Variants in FLT1 observed in about 807,000 individuals in gnomAD.
FLT1 encodes the protein fms related receptor tyrosine kinase 1, also known as vascular endothelial growth factor receptor 1.
A neutral mutation model predicts 156.3 loss-of-function variants in FLT1; 49 were observed. The ratio of observed to expected loss-of-function variants is 0.31; its 90% CI spans 0.25 to 0.40. The LOEUF is 0.40. Ranked by LOEUF, FLT1 falls within the 10% of genes least tolerant of loss-of-function variation. The pLI is 1.00. For synonymous variants in FLT1, 594 were observed against 583.8 expected (o/e 1.02, Z -0.25); for missense variants, 1,322 against 1,637.2 (o/e 0.81, Z 3.32).
intron 29 of FLT1, among the ~76,000 whole-genome samples, chr13:28,303,891 C>T (rs904283723): frequency 2.0e-5 from 3 of 152,132 alleles, no homozygotes; most frequent in Admixed American, 6.5e-5. Context: ...CTCTGCCTGT[C>T]GTGCCTGTGT....
At chr13:28,476,299 A>T (rs1880542164) in intron 1 of FLT1, among the ~76,000 whole-genome samples, 1 of 152,196 alleles carries the variant, frequency 6.6e-6, no homozygotes, top group African/African-American at 2.4e-5. Flanking sequence ...AGCTCTTTCT[A>T]GGCGGGGATT....
At chr13:28,397,144 G>T in intron 11 of FLT1, 76 bp from the exon 12 acceptor site, 1 of 840,676 alleles carries the variant, frequency 1.2e-6, no homozygotes, top group Non-Finnish European at 2.0e-6. Flanking sequence ...TTCTGAGGTT[G>T]AAATGATTCA....
Position 28,495,128 on chromosome 13 carries a change from T to A in FLT1, c.-285A>T, listed in dbSNP as rs988599398. The A allele has an allele frequency of 1.4e-5, 6 of 435,342 alleles. No homozygotes were observed. Among genetic ancestry groups the A allele is most frequent in the Non-Finnish European group, 2.4e-5 (6 of 248,826 alleles). The allele number at this position is 435,342 out of a possible 1,614,324, so 27.0% of individuals were successfully genotyped here. A position where few individuals can be genotyped will look rare whatever the true frequency, so the allele number is the denominator to read the frequency against. ...GCTCCGAGCCTCCCGCGGACCTCGA[T>A]GAAGAGCAGCCGAGGGCGGGGGCGA... On this transcript the variant is annotated 5_prime_UTR_variant, in exon 1 of 30. Coordinates refer to ENST00000282397, the MANE Select transcript of FLT1 (RefSeq NM_002019.4). The surrounding 1 kb of genome is among the most constrained non-coding windows in gnomAD (Gnocchi z 4.1).
chr13:28,468,195 A>T (rs756809463), intron 1 of FLT1, among the ~76,000 whole-genome samples: 30 of 152,236 alleles, frequency 2.0e-4, no homozygotes, highest in Non-Finnish European at 3.4e-4. Context: ...AACTAATTAT[A>T]GAATCAAAAT....
rs756967111 is a variant in FLT1, at chr13:28,438,297, A to G, written c.437T>C (p.Ile146Thr). Residue 146 changes from isoleucine (I) to threonine (T), a missense_variant, in exon 4 of 30, where the codon ATA becomes ACA. Ile to Thr is a moderately conservative substitution (Grantham distance 89). Transcript: ENST00000282397. ...VEMYSEIPEI[I>T]HMTEGRELVI... The stretch of plus-strand genomic sequence containing the variant: ...GAGCTCCCTTCCTTCAGTCATGTGT[A>G]TAATTTCGGGGATTTCACTGTACAT... The G allele has an allele frequency of 8.7e-6, 14 of 1,612,500 alleles. No individual in the cohort carries two copies. The highest frequency in any genetic ancestry group is 1.6e-4 in the Middle Eastern group (1 of 6,076).
intron 17 of FLT1, among the ~76,000 whole-genome samples, chr13:28,338,796 T>G (rs547701202): frequency 6.6e-6 from 1 of 152,270 alleles, no homozygotes; most frequent in Non-Finnish European, 1.5e-5. Context: ...TATGTAAGCG[T>G]GCGTGTACTT....
chr13:28,311,883 T>TA, intron 26 of FLT1, 110 bp downstream of exon 26: 1 of 1,093,626 alleles, frequency 9.1e-7, no homozygotes, highest in Non-Finnish European at 1.4e-6. Flanking sequence ...ACCCTTTTTT[T>TA]AAACTTCTGA....
chr13:28,368,676 T>C, intron 14 of FLT1: 1 of 829,668 alleles, frequency 1.2e-6, no homozygotes, highest in Non-Finnish European at 2.0e-6. Flanking sequence ...AGGTACACAG[T>C]AAATAATCAT....
chr13:28,405,753 C>G, intron 11 of FLT1, 27 bp downstream of exon 11: 1 of 1,156,958 alleles, frequency 8.6e-7, no homozygotes, highest in South Asian at 1.2e-5. Flanking sequence ...GAATAAATAT[C>G]CCAGTGCGCA....
At chr13:28,387,718 C>G (rs1475623460) in intron 13 of FLT1, 1 of 1,055,526 alleles carries the variant, frequency 9.5e-7, no homozygotes, top group Non-Finnish European at 1.1e-6. Context: ...TTTTTTCTCC[C>G]CCCTCCGTTA....
At chr13:28,375,627 C>A (rs1442884918) in intron 14 of FLT1, among the ~76,000 whole-genome samples, 1 of 152,224 alleles carries the variant, frequency 6.6e-6, no homozygotes, top group African/African-American at 2.4e-5. Context: ...GAGCTACTTG[C>A]ATATCAGCAG....
Position 28,329,632 on chromosome 13 carries a change from G to T in FLT1, c.2690C>A (p.Ala897Asp). 1 of 1,613,534 alleles carries T rather than the reference G, an allele frequency of 6.2e-7. No individual in the cohort carries two copies. Among genetic ancestry groups the T allele is most frequent in the Non-Finnish European group, 8.5e-7 (1 of 1,179,446 alleles). Residue 897 changes from alanine to aspartate, a missense_variant, in exon 19 of 30, where the codon GCC becomes GAC. Transcript: ENST00000282397. ...HHLNVVNLLG[A>D]CTKQGGPLMV... ...TCCATTACCTCCTTGCTTGGTGCAG[G>T]CTCCCAGCAGGTTAACCACGTTCAG...
chr13:28,365,934 C>T (rs556124086), intron 14 of FLT1, among the ~76,000 whole-genome samples: 3 of 152,182 alleles, frequency 2.0e-5, no homozygotes, highest in South Asian at 2.1e-4. Flanking sequence ...GAGCCAGGCA[C>T]GTAATATAAA....
At chr13:28,410,752 AC>A (rs1237474888) in intron 10 of FLT1, among the ~76,000 whole-genome samples, 11 of 152,200 alleles carry the variant, frequency 7.2e-5, no homozygotes, top group African/African-American at 2.4e-4. Context: ...TCTCACAGTC[AC>A]CCTATGAAGC....
chr13:28,382,799 T>C (rs1229108340), intron 14 of FLT1, among the ~76,000 whole-genome samples: 3 of 152,194 alleles, frequency 2.0e-5, no homozygotes, highest in Admixed American at 1.3e-4. Flanking sequence ...TTGATGTCAG[T>C]ATAAGAGGAG....
intron 14 of FLT1, among the ~76,000 whole-genome samples, chr13:28,369,872 C>G (rs1443362952): frequency 1.3e-5 from 2 of 152,050 alleles, no homozygotes; most frequent in Middle Eastern, 6.8e-3. Context: ...AACAGGAACA[C>G]TTAGAAAAGA....
At chr13:28,388,465 TA>T in intron 13 of FLT1, 11 of 1,009,974 alleles carry the variant, frequency 1.1e-5, no homozygotes, top group East Asian at 5.8e-5. Context: ...TTTTTTTTTT[TA>T]AATAGTTTAT....
At chr13:28,327,756 C>CAAAAAAAAAAAAAAAAAAAAA (rs56031277) in intron 19 of FLT1, among the ~76,000 whole-genome samples, 1 of 122,794 alleles carries the variant, frequency 8.1e-6, no homozygotes, top group Non-Finnish European at 1.7e-5. Flanking sequence ...AATTGAAATA[C>CAAAAAAAAAAAAAAAAAAAAA]AAAAAAAAAA....
At chr13:28,467,660 T>A (rs1018577653) in intron 1 of FLT1, 43 bp from the exon 2 acceptor site, 1 of 1,096,574 alleles carries the variant, frequency 9.1e-7, no homozygotes, top group Admixed American at 2.0e-5. Context: ...TAAATTGTCT[T>A]CTTACCTTTT....
Sources: allele counts gnomAD v4.1 joint callset (sites outside exome capture counted in the v4.1 genomes callset), GRCh38; gene constraint gnomAD v4.1.1; non-coding constraint Gnocchi (gnomAD v3.1); transcripts MANE v1.5; gene names NCBI Gene and HGNC (gene_info 2026-07-23, HGNC 2026-07-21).